The following BRWD3 variants were observed in gnomAD, a reference collection of about 807,000 sequenced individuals.
BRWD3 encodes the protein bromodomain and WD repeat domain containing 3, also known as bromodomain and WD repeat-containing protein 3.
In BRWD3, 10 loss-of-function variants were observed where a neutral mutation model predicts 149.7. The observed-to-expected ratio is 0.07, with a 90% CI of 0.04 to 0.11. The LOEUF is 0.11. Ranked by LOEUF, BRWD3 falls within the 10% of genes least tolerant of loss-of-function variation. The pLI, the probability that BRWD3 is intolerant of heterozygous loss-of-function variation, is 1.00. For synonymous variants in BRWD3, 504 were observed against 456.7 expected (o/e 1.10, Z -1.32); for missense variants, 940 against 1,373.2 (o/e 0.68, Z 4.99).
intron 35 of BRWD3, 103 bp downstream of exon 35, chrX:80,686,758 AAG>A: frequency 1.2e-6 from 1 of 854,129 alleles, no homozygotes; most frequent in Non-Finnish European, 1.7e-6. Flanking sequence ...ACTGGAAAAA[AAG>A]AAAGGAAAGG....
At chrX:80,797,201 G>A (rs750795211) in intron 4 of BRWD3, among the ~76,000 whole-genome samples, 3 of 111,765 alleles carry the variant, frequency 2.7e-5, no homozygotes, top group Admixed American at 9.6e-5. Flanking sequence ...ATTAACAACT[G>A]TAACAGCTTA....
At chrX:80,768,466 T>C (rs1295664184) in intron 6 of BRWD3, among the ~76,000 whole-genome samples, 3 of 111,591 alleles carry the variant, frequency 2.7e-5, no homozygotes, top group African/African-American at 9.8e-5. Context: ...CAGAATTTCA[T>C]ATCCAGCCAA....
rs756430035 is a variant in BRWD3, at chrX:80,782,299, C to A, written c.430+9555G>T. On this transcript the variant is annotated intron_variant, in intron 6 of 40. Coordinates refer to ENST00000373275, the MANE Select transcript of BRWD3 (RefSeq NM_153252.5). ...TAAATGGTGCTAGGAAAATTGGATACCCATATGCAGAAGAATGAAACGAGA... is the reference window on the plus strand; with the variant it reads ...TAAATGGTGCTAGGAAAATTGGATAACCATATGCAGAAGAATGAAACGAGA... Among the ~76,000 whole-genome samples the A allele has an allele frequency of 4.5e-5, 5 of 111,369 alleles. No individual in the cohort carries two copies. The South Asian group carries it at 1.9e-3, about 42-fold the overall frequency.
chrX:80,672,119 G>T lies in BRWD3; in HGVS notation c.*4490C>A, dbSNP rs1400651669. ...CTCACATTCTAGATTTAATTTAGAA[G>T]AAATGGGCATACATGTAAATAAACA... On this transcript the variant is annotated 3_prime_UTR_variant, in exon 41 of 41. Transcript: ENST00000373275. 1 of 109,914 alleles carries T rather than the reference G, an allele frequency of 9.1e-6. No individual in the cohort carries two copies. The highest frequency in any genetic ancestry group is 1.9e-5 in the Non-Finnish European group (1 of 52,810). The allele number at this position is 109,914 out of a possible 1,213,427, so 9.1% of individuals were successfully genotyped here. A position where few individuals can be genotyped will look rare whatever the true frequency, so the allele number is the denominator to read the frequency against.
At chrX:80,720,703 T>C (rs1277712441) in intron 17 of BRWD3, among the ~76,000 whole-genome samples, 1 of 112,074 alleles carries the variant, frequency 8.9e-6, no homozygotes, top group Non-Finnish European at 1.9e-5. Flanking sequence ...TATTGTATAG[T>C]AATGTTCTAG....
At chrX:80,678,836 A>G (rs2072405258) in intron 40 of BRWD3, among the ~76,000 whole-genome samples, 1 of 111,594 alleles carries the variant, frequency 9.0e-6, no homozygotes, top group Non-Finnish European at 1.9e-5. Context: ...TTCAAAATTC[A>G]TATGTGGAAG....
At chrX:80,790,911 A>AG (rs1215985107) in intron 6 of BRWD3, among the ~76,000 whole-genome samples, 1 of 112,064 alleles carries the variant, frequency 8.9e-6, no homozygotes, top group East Asian at 2.8e-4. Flanking sequence ...GAAAAAAAAA[A>AG]GTTAGCAATA....
At chrX:80,699,895 G>C in intron 25 of BRWD3, 62 bp downstream of exon 25, 1 of 854,878 alleles carries the variant, frequency 1.2e-6, no homozygotes, top group South Asian at 2.1e-5. Context: ...AAAAAACCAT[G>C]GGTAAGCAAT....
At chrX:80,742,748 A>G (rs1446708736) in intron 8 of BRWD3, among the ~76,000 whole-genome samples, 2 of 111,510 alleles carry the variant, frequency 1.8e-5, no homozygotes, top group Non-Finnish European at 3.8e-5. Context: ...TTGATTTTGT[A>G]TCCTGAGACT....
chrX:80,773,841 T>C (rs1399606835), intron 6 of BRWD3, among the ~76,000 whole-genome samples: 2 of 112,398 alleles, frequency 1.8e-5, no homozygotes, highest in African/African-American at 3.2e-5. Flanking sequence ...CATTACACTT[T>C]GTACTTTCCT....
intron 6 of BRWD3, among the ~76,000 whole-genome samples, chrX:80,754,740 C>G (rs1487854046): frequency 1.8e-5 from 2 of 112,366 alleles, no homozygotes; most frequent in Non-Finnish European, 3.8e-5. Flanking sequence ...GGCATGGTGG[C>G]TCACGCCTAT....
At chrX:80,784,168 G>A (rs1478058542) in intron 6 of BRWD3, among the ~76,000 whole-genome samples, 1 of 111,122 alleles carries the variant, frequency 9.0e-6, no homozygotes, top group Non-Finnish European at 1.9e-5. Context: ...TTGTATCCCT[G>A]TACAAAATAT....
At chrX:80,694,955 T>C (rs2072663137) in intron 27 of BRWD3, among the ~76,000 whole-genome samples, 1 of 111,074 alleles carries the variant, frequency 9.0e-6, no homozygotes, top group Non-Finnish European at 1.9e-5. Flanking sequence ...TGCCAGGGGC[T>C]GAATGATATG....
At chrX:80,701,418 C>T (rs1314057676) in intron 24 of BRWD3, among the ~76,000 whole-genome samples, 5 of 106,709 alleles carry the variant, frequency 4.7e-5, no homozygotes, top group Non-Finnish European at 9.7e-5. Flanking sequence ...CGTGGTGGTG[C>T]ACGCCTGTAA....
Position 80,669,620 on chromosome X carries a change from T to A in BRWD3, c.*6989A>T, listed in dbSNP as rs1039137334. Among the ~76,000 whole-genome samples, 2 of 111,556 alleles carry A rather than the reference T, an allele frequency of 1.8e-5. No individual in the cohort carries two copies. Among genetic ancestry groups the A allele is most frequent in the African/African-American group, 6.5e-5 (2 of 30,711 alleles). Reference sequence around the variant, plus strand: ...TTTAAACATATTGTAAGCTTTTTTTTAAAAGCCAAGGGAGGAGGGAACACG... The same window carrying A: ...TTTAAACATATTGTAAGCTTTTTTTAAAAAGCCAAGGGAGGAGGGAACACG... On this transcript the variant is annotated 3_prime_UTR_variant, in exon 41 of 41. Coordinates refer to ENST00000373275, the MANE Select transcript of BRWD3 (RefSeq NM_153252.5).
chrX:80,717,353 A>T (rs2073087580), intron 19 of BRWD3: 1 of 420,094 alleles, frequency 2.4e-6, no homozygotes, highest in Non-Finnish European at 4.1e-6. Context: ...AACAGAGATA[A>T]TGTTTTGCAT....
In BRWD3 at chrX:80,805,196, T is replaced by C. The variant is rs754584054; in HGVS notation, c.180+3343A>G. Among the ~76,000 whole-genome samples the C allele has an allele frequency of 7.2e-5, 8 of 111,795 alleles. No individual in the cohort carries two copies. In the East Asian group the frequency reaches 1.1e-3, roughly 16 times the overall value. ...GATTTCTAGAATATGTAATTTAGTA[T>C]AAACACTGAATCAGATGATTGTTTC... is the stretch of plus-strand genomic sequence containing the variant. On this transcript the variant is annotated intron_variant, in intron 4 of 40. Transcript: ENST00000373275.
At chrX:80,747,191 T>C (rs2073604591) in intron 6 of BRWD3, among the ~76,000 whole-genome samples, 2 of 109,391 alleles carry the variant, frequency 1.8e-5, no homozygotes, top group South Asian at 3.9e-4. Flanking sequence ...CAATCAACCA[T>C]TACTTCTGCT....
At position 80,752,814 on chromosome X, in the gene BRWD3, G is replaced by A. The variant is rs762151125; in HGVS notation, c.431-7085C>T. The stretch of plus-strand genomic sequence containing the variant: ...TGAGTAGCTGGGATTACAGGTGCCC[G>A]CCACCACACCCAGCTAATTTTTGTA... On this transcript the variant is annotated intron_variant, in intron 6 of 40. Transcript: ENST00000373275. 6.3e-5 allele frequency among the ~76,000 whole-genome samples: 7 copies of A among 110,725 alleles called. No homozygotes were observed. The East Asian group carries it at 1.1e-3, about 18-fold the overall frequency.
Sources: gnomAD v4.1 joint callset for allele counts (sites outside exome capture counted in the v4.1 genomes callset) on GRCh38, gnomAD v4.1.1 for gene constraint, MANE v1.5 for transcripts, NCBI Gene and HGNC (gene_info 2026-07-23, HGNC 2026-07-21) for gene names.